The following AFF3 variants were observed in gnomAD, a reference collection of about 807,000 sequenced individuals.
AFF3 encodes the protein ALF transcription elongation factor 3.
AFF3 carries 32 observed loss-of-function variants against 129.7 expected under a neutral mutation model. The observed-to-expected ratio is 0.25, with a 90% confidence interval of 0.19 to 0.33. The LOEUF is 0.33. Ranked by LOEUF, AFF3 falls within the 10% of genes least tolerant of loss-of-function variation. The pLI is 1.00. For missense variants in AFF3, 1,373 were observed against 1,592.0 expected, an observed-to-expected ratio of 0.86 and a Z score of 2.34; for synonymous variants, 644 against 635.4, an observed-to-expected ratio of 1.01 and a Z score of -0.20.
intron 2 of AFF3, among the ~76,000 whole-genome samples, chr2:100,126,253 C>A (rs1297317887): frequency 6.6e-6 from 1 of 152,138 alleles, no homozygotes; most frequent in Non-Finnish European, 1.5e-5. Context: ...GAAACACGAT[C>A]AGGACAATTT....
intron 4 of AFF3, among the ~76,000 whole-genome samples, chr2:100,088,829 C>G (rs1212771490): frequency 6.6e-6 from 1 of 152,122 alleles, no homozygotes; most frequent in Non-Finnish European, 1.5e-5. Context: ...TATATTTTTA[C>G]TTTGGCCAGT....
intron 11 of AFF3, among the ~76,000 whole-genome samples, chr2:99,700,779 T>C (rs1676772828): frequency 6.6e-6 from 1 of 152,230 alleles, no homozygotes; most frequent in East Asian, 1.9e-4. Flanking sequence ...AAGGACAAAC[T>C]GTTGCCTGTT....
intron 8 of AFF3, among the ~76,000 whole-genome samples, chr2:99,822,255 T>G (rs1380237238): frequency 7.5e-6 from 1 of 132,766 alleles, no homozygotes; most frequent in African/African-American, 2.9e-5. Flanking sequence ...TTTTTGGGGA[T>G]AAGAGGTCCA....
intron 7 of AFF3, among the ~76,000 whole-genome samples, chr2:99,991,415 C>G (rs752099236): frequency 2.6e-5 from 4 of 152,094 alleles, no homozygotes; most frequent in Non-Finnish European, 4.4e-5. Flanking sequence ...GTGTTCCTCT[C>G]GATAAAACAG....
chr2:99,813,306 G>T (rs1265475903), intron 8 of AFF3, among the ~76,000 whole-genome samples: 2 of 152,204 alleles, frequency 1.3e-5, no homozygotes, highest in Non-Finnish European at 2.9e-5. Flanking sequence ...AAACAAAAAT[G>T]CCATTTGTGT....
At chr2:100,106,284 A>G (rs2105511804) in intron 2 of AFF3, 1 of 1,177,432 alleles carries the variant, frequency 8.5e-7, no homozygotes, top group Non-Finnish European at 1.1e-6. Context: ...TTACAAGCTG[A>G]TAACTCTCAG....
chr2:99,561,445 A>C (rs940056568), intron 20 of AFF3, among the ~76,000 whole-genome samples: 2 of 152,154 alleles, frequency 1.3e-5, no homozygotes, highest in Admixed American at 1.3e-4. Flanking sequence ...ACATTTTATC[A>C]CTTTGGGATA....
chr2:99,556,582 T>C (rs893831468), intron 22 of AFF3, among the ~76,000 whole-genome samples: 2 of 152,210 alleles, frequency 1.3e-5, no homozygotes, highest in African/African-American at 4.8e-5. Context: ...CCAAATTGTC[T>C]TGGGTACCTA....
rs11320849 is a variant in AFF3 at position 100,070,211 on chromosome 2, T to TAAA, written c.53+34188_53+34190dup. 1.5e-3 allele frequency among the ~76,000 whole-genome samples: 227 copies of TAAA among 149,624 alleles called. 1 individual carries two copies. Among genetic ancestry groups the TAAA allele is most frequent in the Middle Eastern group, 6.9e-3 (2 of 288 alleles). On this transcript the variant is annotated intron_variant, in intron 4 of 24. Coordinates refer to ENST00000672756, the MANE Select transcript of AFF3 (RefSeq NM_001386135.1). ...GACTGTTTCTGTTTGGGTGGTTTTA[T>TAAA]AAAAAAAAAAACTGTAAAACGTGGT...
intron 8 of AFF3, among the ~76,000 whole-genome samples, chr2:99,754,249 C>T (rs571231980): frequency 2.0e-5 from 3 of 152,214 alleles, no homozygotes; most frequent in Non-Finnish European, 4.4e-5. Flanking sequence ...AACTATTAAA[C>T]CAATTGTCCT....
At chr2:99,580,516 G>A (rs1232848917) in intron 17 of AFF3, among the ~76,000 whole-genome samples, 1 of 152,168 alleles carries the variant, frequency 6.6e-6, no homozygotes, top group Non-Finnish European at 1.5e-5. Flanking sequence ...CATCTACTGG[G>A]TGGAGGCCAG....
At chr2:100,031,740 T>A (rs1372932558) in intron 4 of AFF3, among the ~76,000 whole-genome samples, 2 of 152,166 alleles carry the variant, frequency 1.3e-5, no homozygotes, top group Admixed American at 1.3e-4. Context: ...AAAGCCAGAG[T>A]AATTTGAGCA....
chr2:100,103,810 C>A (rs1420982548), intron 4 of AFF3, among the ~76,000 whole-genome samples: 2 of 151,948 alleles, frequency 1.3e-5, no homozygotes, highest in East Asian at 3.9e-4. Flanking sequence ...GGAAAGGAGT[C>A]TCCCTGGGCT....
chr2:99,860,956 T>G (rs1009833695), intron 7 of AFF3, among the ~76,000 whole-genome samples: 1 of 152,184 alleles, frequency 6.6e-6, no homozygotes, highest in Non-Finnish European at 1.5e-5. Context: ...GCATTATGAA[T>G]AGTCACCATG....
intron 12 of AFF3, among the ~76,000 whole-genome samples, chr2:99,662,006 G>A (rs139405374): frequency 7.5e-4 from 114 of 152,248 alleles, no homozygotes; most frequent in African/African-American, 2.6e-3. Flanking sequence ...TGGGCATGGT[G>A]GCACACACTT....
intron 5 of AFF3, among the ~76,000 whole-genome samples, chr2:100,008,145 T>C (rs1363949108): frequency 6.6e-6 from 1 of 152,178 alleles, no homozygotes; most frequent in Non-Finnish European, 1.5e-5. Flanking sequence ...GAAGCTTTAC[T>C]TGAAAATTCA....
chr2:100,013,226 C>T (rs1222018055), intron 4 of AFF3, among the ~76,000 whole-genome samples: 2 of 152,112 alleles, frequency 1.3e-5, no homozygotes, highest in African/African-American at 2.4e-5. Flanking sequence ...TAGAAATAGA[C>T]GTCTAAACAT....
chr2:99,628,195 A>T (rs1269628715), intron 13 of AFF3, among the ~76,000 whole-genome samples: 2 of 152,256 alleles, frequency 1.3e-5, no homozygotes, highest in South Asian at 4.2e-4. Context: ...TTCCTATCCA[A>T]AAGCATAAAA....
chr2:99,559,433 A>C (rs1675270997), intron 21 of AFF3, among the ~76,000 whole-genome samples: 1 of 152,178 alleles, frequency 6.6e-6, no homozygotes, highest in Non-Finnish European at 1.5e-5. Context: ...AACAACAAAA[A>C]CACTATGCTG....
Sources: allele counts gnomAD v4.1 joint callset (sites outside exome capture counted in the v4.1 genomes callset), GRCh38; gene constraint gnomAD v4.1.1; transcripts MANE v1.5; gene names NCBI Gene and HGNC (gene_info 2026-07-23, HGNC 2026-07-21).